The following LYRM4 variants were observed in gnomAD, a reference collection of about 807,000 sequenced individuals.
LYRM4 encodes LYR motif containing 4, also known as LYR motif-containing protein 4.
In LYRM4, 9 loss-of-function variants were observed where a neutral mutation model predicts 11.7. The observed-to-expected ratio is 0.77, with a 90% confidence interval of 0.46 to 1.34. The LOEUF is 1.34. Ranked by LOEUF, LYRM4 falls within the 40% of genes most tolerant of loss-of-function variation. The pLI, the probability that LYRM4 is intolerant of heterozygous loss-of-function variation, is 0.00. For synonymous variants in LYRM4, 42 were observed against 40.4 expected, an observed-to-expected ratio of 1.04 and a Z score of -0.15; for missense variants, 133 against 112.5, an observed-to-expected ratio of 1.18 and a Z score of -0.82.
At chr6:5,050,653 G>A in the LYRM4 span, among the ~76,000 whole-genome samples, 1 of 151,938 alleles carries the variant, frequency 6.6e-6, no homozygotes, top group East Asian at 1.9e-4. Context: ...AGGGAAAGGT[G>A]CAGGCTCAAA....
In LYRM4 at chr6:5,192,036, G is replaced by C. The variant is rs1760785143; in HGVS notation, c.207+24582C>G. ...ATGCAGGAGAGCTAATGCATGCAAT[G>C]CTTGATGCTTGCATGGATTCTGGAT... On this transcript the variant is annotated intron_variant, in intron 2 of 2. Transcript: ENST00000330636. Among the ~76,000 whole-genome samples the C allele has an allele frequency of 3.9e-5, 6 of 152,200 alleles. No individual in the cohort carries two copies. In the South Asian group the frequency reaches 1.2e-3, roughly 31 times the overall value.
At chr6:5,144,347 G>C (rs181979691) in intron 2 of LYRM4, 1 of 1,473,068 alleles carries the variant, frequency 6.8e-7, no homozygotes, top group Admixed American at 2.0e-5. Flanking sequence ...TAAGAAATAT[G>C]TCAGGTGAGG....
chr6:5,195,126 G>C (rs1760975705), intron 2 of LYRM4, among the ~76,000 whole-genome samples: 1 of 152,176 alleles, frequency 6.6e-6, no homozygotes, highest in South Asian at 2.1e-4. Context: ...ATTCTAAGTA[G>C]AAGTCCTACC....
At chr6:5,243,490 T>C (rs571074877) in intron 1 of LYRM4, among the ~76,000 whole-genome samples, 3 of 152,314 alleles carry the variant, frequency 2.0e-5, no homozygotes, top group Non-Finnish European at 4.4e-5. Context: ...CTTTCCTCCA[T>C]TCTTAAAGAA....
intron 1 of LYRM4, among the ~76,000 whole-genome samples, chr6:5,226,217 C>A (rs998538251): frequency 6.6e-6 from 1 of 152,094 alleles, no homozygotes; most frequent in African/African-American, 2.4e-5. Flanking sequence ...AAAGCCTACC[C>A]TATTGTGAGA....
chr6:5,059,763 G>A, the LYRM4 span, among the ~76,000 whole-genome samples: 20 of 150,976 alleles, frequency 1.3e-4, no homozygotes, highest in African/African-American at 4.4e-4. Context: ...AGAATCACAT[G>A]CTAATAAATT....
chr6:5,156,508 A>G (rs1387878451), intron 2 of LYRM4, among the ~76,000 whole-genome samples: 1 of 152,220 alleles, frequency 6.6e-6, no homozygotes, highest in Non-Finnish European at 1.5e-5. Context: ...AGAAGCCAGG[A>G]TAGAGGGGCA....
At chr6:5,241,559 G>T (rs780214395) in intron 1 of LYRM4, among the ~76,000 whole-genome samples, 79 of 149,894 alleles carry the variant, frequency 5.3e-4, no homozygotes, top group Admixed American at 1.5e-3. Flanking sequence ...TACAGCATAG[G>T]CATTTATGAG....
chr6:5,205,308 C>T lies in LYRM4; in HGVS notation c.207+11310G>A, dbSNP rs577018790. On this transcript the variant is annotated intron_variant, in intron 2 of 2. Coordinates refer to ENST00000330636, the MANE Select transcript of LYRM4 (RefSeq NM_020408.6). ...AGTGCACTGGGTGTGCTGTGTGCCT[C>T]GTGCTGTGCTAGGTCCCAAGGACAT... 2.3e-4 allele frequency among the ~76,000 whole-genome samples: 35 copies of T among 152,076 alleles called. 2 individuals are homozygous for T. The South Asian group carries it at 5.9e-3, about 26-fold the overall frequency.
chr6:5,166,286 G>A (rs538637320), intron 2 of LYRM4, among the ~76,000 whole-genome samples: 82 of 152,328 alleles, frequency 5.4e-4, no homozygotes, highest in African/African-American at 1.8e-3. Flanking sequence ...AGTATTTAAA[G>A]GTTTCATTTA....
intron 2 of LYRM4, among the ~76,000 whole-genome samples, chr6:5,208,690 C>T (rs1761834740): frequency 2.0e-5 from 3 of 152,172 alleles, no homozygotes; most frequent in Non-Finnish European, 2.9e-5. Context: ...TCCACAGGAA[C>T]GCCAACTATG....
intron 2 of LYRM4, among the ~76,000 whole-genome samples, chr6:5,119,579 G>C (rs1479346129): frequency 6.6e-6 from 1 of 151,934 alleles, no homozygotes; most frequent in African/African-American, 2.4e-5. Flanking sequence ...TTGTGGCCAG[G>C]AGTTCAACAC....
chr6:5,085,544 AG>A, the LYRM4 span: 305 of 1,540,340 alleles, frequency 2.0e-4, no homozygotes, highest in Middle Eastern at 3.4e-3. Context: ...CCCTTCCGAG[AG>A]GCCCCGCCGG....
intron 1 of LYRM4, among the ~76,000 whole-genome samples, chr6:5,227,313 A>C (rs1762950258): frequency 6.6e-6 from 1 of 152,198 alleles, no homozygotes; most frequent in Non-Finnish European, 1.5e-5. Flanking sequence ...TGGAGAAATC[A>C]TACCAATATT....
chr6:5,240,573 G>A (rs1763817227), intron 1 of LYRM4: 1 of 152,152 alleles, frequency 6.6e-6, no homozygotes, highest in Admixed American at 6.5e-5. Context: ...AGCTGGGGAG[G>A]AGTGGAGTTC....
the LYRM4 span, among the ~76,000 whole-genome samples, chr6:5,059,971 CTA>C: frequency 6.6e-6 from 1 of 152,098 alleles, no homozygotes; most frequent in Non-Finnish European, 1.5e-5. Context: ...TGGCTTTAAT[CTA>C]TCTTTTGTCA....
chr6:5,086,464 T>A, the LYRM4 span: 3 of 1,537,120 alleles, frequency 2.0e-6, no homozygotes, highest in Non-Finnish European at 2.6e-6. Flanking sequence ...CGCGGTCCAC[T>A]TCGCTGTCTG....
chr6:5,233,653 CTCTT>C (rs1230909938), intron 1 of LYRM4, among the ~76,000 whole-genome samples: 1 of 152,190 alleles, frequency 6.6e-6, no homozygotes, highest in African/African-American at 2.4e-5. Flanking sequence ...ATCTCTCTCT[CTCTT>C]TTTAAAGACA....
intron 2 of LYRM4, among the ~76,000 whole-genome samples, chr6:5,203,899 T>C (rs1309791958): frequency 6.6e-6 from 1 of 152,198 alleles, no homozygotes; most frequent in Non-Finnish European, 1.5e-5. Flanking sequence ...TTTTAGCACT[T>C]GAGTTTTTAA....
Sources: allele counts gnomAD v4.1 joint callset (sites outside exome capture counted in the v4.1 genomes callset), GRCh38; gene constraint gnomAD v4.1.1; transcripts MANE v1.5; gene names NCBI Gene and HGNC (gene_info 2026-07-23, HGNC 2026-07-21).